The following RAPGEF6 variants were observed in gnomAD, a reference collection of about 807,000 sequenced individuals.
RAPGEF6 encodes PDZ domain containing guanine nucleotide exchange factor (GEF) 2.
In RAPGEF6, 56 loss-of-function variants were observed where a neutral mutation model predicts 171.4. The ratio of observed to expected loss-of-function variants is 0.33; its 90% CI spans 0.26 to 0.41. RAPGEF6 has a LOEUF of 0.41. RAPGEF6 is among the 10% of genes least tolerant of loss of function. The pLI is 1.00. For synonymous variants in RAPGEF6, 692 were observed against 650.1 expected, an observed-to-expected ratio of 1.06 and a Z score of -0.98; for missense variants, 1,674 against 1,921.4, an observed-to-expected ratio of 0.87 and a Z score of 2.41.
At chr5:131,572,376 T>C (rs954122022) in intron 4 of RAPGEF6, among the ~76,000 whole-genome samples, 6 of 152,132 alleles carry the variant, frequency 3.9e-5, no homozygotes, top group African/African-American at 1.4e-4. Flanking sequence ...CTCCCTTCAA[T>C]CTCTCTCCTT....
chr5:131,481,011 A>G (rs970180555), intron 15 of RAPGEF6, among the ~76,000 whole-genome samples: 53 of 151,386 alleles, frequency 3.5e-4, no homozygotes, highest in African/African-American at 1.2e-3. Context: ...GGCTCACCAC[A>G]ACCTTCACCT....
intron 4 of RAPGEF6, among the ~76,000 whole-genome samples, chr5:131,588,737 C>T (rs1763412996): frequency 1.3e-5 from 2 of 151,134 alleles, no homozygotes; most frequent in African/African-American, 2.4e-5. Context: ...AGTGAGACTC[C>T]GTCTTAAAAA....
At chr5:131,516,073 T>C (rs1307828229) in intron 7 of RAPGEF6, among the ~76,000 whole-genome samples, 1 of 8,588 alleles carries the variant, frequency 1.2e-4, no homozygotes, top group African/African-American at 4.2e-4. Context: ...TTTTTTTTTT[T>C]TTTTTTTTTT....
At chr5:131,560,566 T>C (rs2149965786) in intron 5 of RAPGEF6, among the ~76,000 whole-genome samples, 1 of 152,352 alleles carries the variant, frequency 6.6e-6, no homozygotes, top group East Asian at 1.9e-4. Context: ...CTTGCCATGT[T>C]CCTCAATACA....
chr5:131,431,143 G>A lies in RAPGEF6; in HGVS notation c.4181C>T (p.Thr1394Ile), dbSNP rs1329035066. ...TTCAGCAATGGGGTCATCCAAATGG[G>A]TATGTCTGTAAGAGTTCAAAAAATC... is the stretch of plus-strand genomic sequence containing the variant. ...SWDFLNSYRH[T>I]HLDDPIAEVE... is the part of the protein sequence containing the mutation. Residue 1394 changes from threonine to isoleucine, a missense_variant, in exon 26 of 28, where the codon ACC (threonine) becomes ATC (isoleucine). Physicochemically the swap from Thr to Ile is moderately conservative, Grantham distance 89. Coordinates refer to ENST00000509018, the MANE Select transcript of RAPGEF6 (RefSeq NM_016340.6). The A allele has an allele frequency of 1.2e-6, 2 of 1,614,218 alleles. No individual in the cohort carries two copies. Among genetic ancestry groups the A allele is most frequent in the Non-Finnish European group, 8.5e-7 (1 of 1,180,034 alleles).
At chr5:131,436,213 T>C in intron 24 of RAPGEF6, 1 of 1,537,626 alleles carries the variant, frequency 6.5e-7, no homozygotes, top group Non-Finnish European at 8.7e-7. Context: ...GGTTGTGTTC[T>C]CACAACTTGT....
chr5:131,565,367 T>C (rs745852903), intron 4 of RAPGEF6, among the ~76,000 whole-genome samples: 42 of 152,044 alleles, frequency 2.8e-4, no homozygotes, highest in Non-Finnish European at 5.3e-4. Context: ...CTGAGAAAAA[T>C]TGAAGACCTG....
intron 3 of RAPGEF6, among the ~76,000 whole-genome samples, chr5:131,593,678 T>G (rs748723053): frequency 3.3e-5 from 5 of 152,242 alleles, no homozygotes; most frequent in Non-Finnish European, 5.9e-5. Flanking sequence ...TAAAGGTCAC[T>G]CTTGCTATGC....
chr5:131,473,795 C>T (rs895560162), intron 16 of RAPGEF6, among the ~76,000 whole-genome samples: 5 of 151,840 alleles, frequency 3.3e-5, no homozygotes, highest in Non-Finnish European at 5.9e-5. Context: ...TAGGATTTTA[C>T]GTAGATTAGA....
chr5:131,470,635 G>T (rs144993608), intron 17 of RAPGEF6, among the ~76,000 whole-genome samples: 12 of 152,248 alleles, frequency 7.9e-5, no homozygotes, highest in South Asian at 2.1e-4. Context: ...CTTTATTTTT[G>T]AATGTTCTAC....
At chr5:131,504,370 G>A (rs1481249561) in intron 11 of RAPGEF6, among the ~76,000 whole-genome samples, 1 of 152,044 alleles carries the variant, frequency 6.6e-6, no homozygotes, top group Non-Finnish European at 1.5e-5. Flanking sequence ...GCTGAGGCAG[G>A]AGAATCGCTT....
chr5:131,464,287 T>C lies in RAPGEF6; in HGVS notation c.2240-6A>G. The C allele has an allele frequency of 1.2e-6, 2 of 1,605,072 alleles. No individual in the cohort carries two copies. Among genetic ancestry groups the C allele is most frequent in the Non-Finnish European group, 1.7e-6 (2 of 1,173,202 alleles). On this transcript the variant is annotated splice_region_variant and splice_polypyrimidine_tract_variant and intron_variant, in intron 17 of 27. Coordinates refer to ENST00000509018, the MANE Select transcript of RAPGEF6 (RefSeq NM_016340.6). The stretch of plus-strand genomic sequence containing the variant: ...TATAACTTGATCAGGGATATCTACA[T>C]AAATAGAAAGATATGCTTTGTTATT...
At chr5:131,595,174 G>T (rs889310529) in intron 3 of RAPGEF6, among the ~76,000 whole-genome samples, 3 of 152,142 alleles carry the variant, frequency 2.0e-5, no homozygotes, top group African/African-American at 7.2e-5. Context: ...GACCTGGTGG[G>T]AGGCGACTGG....
chr5:131,511,466 T>C (rs973037372), intron 7 of RAPGEF6, among the ~76,000 whole-genome samples: 1 of 148,048 alleles, frequency 6.8e-6, no homozygotes, highest in Admixed American at 6.8e-5. Flanking sequence ...CCTTTTTTAC[T>C]GCCAAAAAGA....
At chr5:131,532,602 C>T (rs1326088412) in intron 6 of RAPGEF6, among the ~76,000 whole-genome samples, 1 of 151,974 alleles carries the variant, frequency 6.6e-6, no homozygotes, top group Non-Finnish European at 1.5e-5. Context: ...TGCAGTGATT[C>T]TTCTGCATCA....
rs781666868 is a variant in RAPGEF6 at position 131,577,701 on chromosome 5, G to A, written c.281+14682C>T. Among the ~76,000 whole-genome samples the A allele has an allele frequency of 2.0e-5, 3 of 152,126 alleles. No individual in the cohort carries two copies. In the East Asian group the frequency reaches 5.8e-4, roughly 29 times the overall value. The stretch of plus-strand genomic sequence containing the variant: ...TACCCTAACTGCCGTCCGCCTGCAG[G>A]ACCCTCCCCATTGGGTTCACCATTC... On this transcript the variant is annotated intron_variant, in intron 4 of 27. Coordinates refer to ENST00000509018, the MANE Select transcript of RAPGEF6 (RefSeq NM_016340.6).
chr5:131,532,472 C>T (rs1276148709), intron 6 of RAPGEF6, among the ~76,000 whole-genome samples: 3 of 152,172 alleles, frequency 2.0e-5, no homozygotes, highest in Non-Finnish European at 4.4e-5. Context: ...AATACGGTAT[C>T]AGTCAAAGCA....
chr5:131,527,556 A>G (rs543321459), intron 6 of RAPGEF6, among the ~76,000 whole-genome samples: 1 of 152,224 alleles, frequency 6.6e-6, no homozygotes, highest in African/African-American at 2.4e-5. Flanking sequence ...AAATGTATAT[A>G]CCTTATGACT....
chr5:131,494,958 A>G (rs998490082), intron 13 of RAPGEF6, among the ~76,000 whole-genome samples: 1 of 152,194 alleles, frequency 6.6e-6, no homozygotes, highest in African/African-American at 2.4e-5. Context: ...CACCAGGTTT[A>G]TAAGCCTGAG....
Sources: gnomAD v4.1 joint callset for allele counts (sites outside exome capture counted in the v4.1 genomes callset) on GRCh38, gnomAD v4.1.1 for gene constraint, MANE v1.5 for transcripts, NCBI Gene and HGNC (gene_info 2026-07-23, HGNC 2026-07-21) for gene names.